GLE1: variants seen among roughly 807,000 people sequenced by gnomAD.
The protein encoded by GLE1 is mRNA export factor GLE1.
A neutral mutation model predicts 97.3 loss-of-function variants in GLE1; 78 were observed. That is an observed-to-expected ratio of 0.80 (90% CI 0.67 to 0.97). The LOEUF (loss-of-function observed/expected upper bound fraction) is 0.97, where lower values mean the gene tolerates loss of function less well. GLE1 is among the 50% of genes least tolerant of loss of function. The probability of loss-of-function intolerance (pLI) is 0.00; values close to 1 mark genes in which losing one functional copy is unlikely to be tolerated. For synonymous variants in GLE1, 302 were observed against 313.4 expected, an observed-to-expected ratio of 0.96 and a Z score of 0.39; for missense variants, 753 against 857.5, an observed-to-expected ratio of 0.88 and a Z score of 1.52.
intron 2 of GLE1, among the ~76,000 whole-genome samples, chr9:128,509,521 T>G (rs563257675): frequency 6.6e-6 from 1 of 152,026 alleles, no homozygotes; most frequent in Non-Finnish European, 1.5e-5. Context: ...GCCTCTGTTT[T>G]TTTGTTATTT....
chr9:128,528,598 C>T (rs572524880), intron 9 of GLE1, among the ~76,000 whole-genome samples: 6 of 152,138 alleles, frequency 3.9e-5, no homozygotes, highest in African/African-American at 7.2e-5. Flanking sequence ...TCACTGCACC[C>T]GGCCTTTTTG....
intron 9 of GLE1, among the ~76,000 whole-genome samples, chr9:128,532,935 T>G (rs1847566161): frequency 6.6e-6 from 1 of 152,172 alleles, no homozygotes; most frequent in Non-Finnish European, 1.5e-5. Flanking sequence ...GTTAGATCCT[T>G]TAGAAGGTTT....
At chr9:128,540,699 A>C in intron 15 of GLE1, 1 of 364,578 alleles carries the variant, frequency 2.7e-6, no homozygotes, top group Non-Finnish European at 5.1e-6. Flanking sequence ...ATCAAACTGC[A>C]CTTTCAGTTG....
Position 128,539,696 on chromosome 9 carries a change from C to G in GLE1, c.1962C>G (p.Pro654=), listed in dbSNP as rs771727359. ...MLILIKEDYF[P]RIEAITSSGQ... ...TTCTCATCAAAGAGGACTACTTTCC[C>G]AGGTATCAGGCTTGTTGAGCAGACA... The change falls in exon 14 of 16, where the codon CCC becomes CCG. Residue 654 remains proline, a splice_region_variant and synonymous_variant. Coordinates refer to ENST00000309971, the MANE Select transcript of GLE1 (RefSeq NM_001003722.2). The G allele has an allele frequency of 6.2e-7, 1 of 1,613,296 alleles. No individual in the cohort carries two copies. Among genetic ancestry groups the G allele is most frequent in the Non-Finnish European group, 8.5e-7 (1 of 1,179,246 alleles).
intron 3 of GLE1, among the ~76,000 whole-genome samples, chr9:128,520,625 ACT>A (rs1384933888): frequency 1.3e-5 from 2 of 150,888 alleles, no homozygotes; most frequent in African/African-American, 2.4e-5. Context: ...CAGTCTTGAG[ACT>A]CTGCAGTTCG....
chr9:128,508,339 A>C (rs1392726262), intron 1 of GLE1, among the ~76,000 whole-genome samples: 2 of 152,178 alleles, frequency 1.3e-5, no homozygotes, highest in African/African-American at 4.8e-5. Context: ...CCAGGAGGTC[A>C]GGCTACAGTG....
Position 128,536,232 on chromosome 9 carries a change from C to T in GLE1, c.1647-123C>T, listed in dbSNP as rs1847704667. 1.8e-5 allele frequency: 13 copies of T among 708,684 alleles called. No individual in the cohort carries two copies. The East Asian group carries it at 2.2e-4, about 12-fold the overall frequency. 43.9% of individuals were successfully genotyped at this position (708,684 alleles called of 1,614,324 possible). On this transcript the variant is annotated intron_variant, in intron 11 of 15. Coordinates refer to ENST00000309971, the MANE Select transcript of GLE1 (RefSeq NM_001003722.2). ...TATTTTTAGTAGAGATGGGGTTTCA[C>T]CACATTGGCCAGGCTAGTCTTGAAC...
intron 2 of GLE1, among the ~76,000 whole-genome samples, chr9:128,510,442 T>A (rs535922192): frequency 3.3e-5 from 5 of 151,952 alleles, no homozygotes; most frequent in Non-Finnish European, 7.4e-5. Context: ...TTGGCCTGGC[T>A]GTTCTCAAAC....
intron 2 of GLE1, among the ~76,000 whole-genome samples, chr9:128,512,808 C>T (rs1482037542): frequency 1.3e-5 from 2 of 152,010 alleles, no homozygotes; most frequent in African/African-American, 2.4e-5. Flanking sequence ...TACAGGCACG[C>T]GCCACCATGC....
At position 128,515,521 on chromosome 9, in the gene GLE1, T is replaced by A. The variant is rs1275877071; in HGVS notation, c.322-8T>A. 4 of 1,462,654 alleles carry A rather than the reference T, an allele frequency of 2.7e-6. No homozygotes were observed. Among genetic ancestry groups the A allele is most frequent in the Admixed American group, 1.7e-5 (1 of 59,800 alleles). The allele number at this position is 1,462,654 out of a possible 1,614,324, so 90.6% of individuals were successfully genotyped here. On this transcript the variant is annotated splice_polypyrimidine_tract_variant and splice_region_variant and intron_variant, in intron 2 of 15. Coordinates refer to ENST00000309971, the MANE Select transcript of GLE1 (RefSeq NM_001003722.2). ...TTTTAATTATTTTTCCATTTTCTGC[T>A]CATATAGGGCAAAGATGAGTCCCAG...
rs754578389 is a variant in GLE1 at position 128,539,659 on chromosome 9, G to A, written c.1925G>A (p.Trp642Ter). 10 of 1,611,834 alleles carry A rather than the reference G, an allele frequency of 6.2e-6. No individual in the cohort carries two copies. The highest frequency in any genetic ancestry group is 7.6e-6 in the Non-Finnish European group (9 of 1,177,966). ...ATGAAGCAATACCAGGTTCAGTTCT[G>A]GAAGATGCTAATTCTCATCAAAGAG... ...ALMKQYQVQF[W>*]KMLILIKEDY... Residue 642 changes from tryptophan to a stop codon, truncating the protein, a stop_gained, in exon 14 of 16, where the codon TGG (tryptophan) becomes TAG (stop). Transcript: ENST00000309971. LOFTEE classifies it high-confidence loss of function.
At chr9:128,525,089 T>C in intron 6 of GLE1, 103 bp from the exon 7 acceptor site, 2 of 817,778 alleles carry the variant, frequency 2.4e-6, no homozygotes, top group Non-Finnish European at 4.2e-6. Context: ...ATGTGGATAC[T>C]CCATTGGTGC....
Position 128,523,850 on chromosome 9 carries a change from A to AGG in GLE1, c.897+9_897+10dup, listed in dbSNP as rs1554723398. On this transcript the variant is annotated splice_donor_region_variant and intron_variant, in intron 6 of 15. Transcript: ENST00000309971. ...GATCATCCGGGCCTCTTCAGAGGTG[A>AGG]GGGGGGCTTCAGAGTGACTCTTTGC... is the stretch of plus-strand genomic sequence containing the variant. The AGG allele has an allele frequency of 6.2e-7, 1 of 1,613,678 alleles. No individual in the cohort carries two copies. The highest frequency in any genetic ancestry group is 1.3e-5 in the African/African-American group (1 of 74,892).
In GLE1 at chr9:128,537,960, T is replaced by G. The variant is rs1256246957; in HGVS notation, c.1777-26T>G. On this transcript the variant is annotated intron_variant, in intron 12 of 15. Transcript: ENST00000309971. The stretch of plus-strand genomic sequence containing the variant: ...AGATTTCTAAACAAAATGAGATCAA[T>G]GATAACCAAGCTTCTCTACTCCCAG... 5 of 1,321,938 alleles carry G rather than the reference T, an allele frequency of 3.8e-6. No individual in the cohort carries two copies. The South Asian group carries it at 5.9e-5, about 16-fold the overall frequency. The allele number at this position is 1,321,938 out of a possible 1,614,324, so 81.9% of individuals were successfully genotyped here.
chr9:128,513,174 C>T (rs543666901), intron 2 of GLE1, among the ~76,000 whole-genome samples: 176 of 152,066 alleles, frequency 1.2e-3, no homozygotes, highest in African/African-American at 4.0e-3. Context: ...CTAGGAACAT[C>T]TACATTCTGC....
Position 128,533,618 on chromosome 9 carries a change from T to C in GLE1, c.1418T>C (p.Leu473Pro), listed in dbSNP as rs1168979113. Residue 473 changes from leucine (L) to proline (P), a missense_variant, in exon 10 of 16, where the codon CTG becomes CCG. By Grantham distance (98) the Leu-to-Pro change is moderately conservative. Transcript: ENST00000309971. ...SVSVTLNPQG[L>P]DFVQYKLAEK... ...TCTGTCACACTTAACCCACAGGGGC[T>C]GGACTTTGTTCAATACAAACTGGCA... is the stretch of plus-strand genomic sequence containing the variant. 1 of 1,614,184 alleles carries C rather than the reference T, an allele frequency of 6.2e-7. No individual in the cohort carries two copies. The highest frequency in any genetic ancestry group is 8.5e-7 in the Non-Finnish European group (1 of 1,180,024).
At chr9:128,527,603 G>C in intron 9 of GLE1, 78 bp downstream of exon 9, 2 of 889,024 alleles carry the variant, frequency 2.2e-6, no homozygotes, top group Admixed American at 3.5e-5. Flanking sequence ...GTATCTGTAA[G>C]GTTCCTATAA....
In GLE1 at chr9:128,504,919, C is replaced by T; in HGVS notation, c.99+15C>T. On this transcript the variant is annotated intron_variant, in intron 1 of 15. Transcript: ENST00000309971. Reference sequence around the variant, plus strand: ...TGCGGCGCGAGGTGAGCGGTGGCCCCGGAGGACGTAGGCCTTTCCGGCCCC... The same window carrying T: ...TGCGGCGCGAGGTGAGCGGTGGCCCTGGAGGACGTAGGCCTTTCCGGCCCC... The T allele has an allele frequency of 6.4e-7, 1 of 1,566,492 alleles. No individual in the cohort carries two copies. Among genetic ancestry groups the T allele is most frequent in the Non-Finnish European group, 8.8e-7 (1 of 1,136,890 alleles).
At chr9:128,524,684 C>T (rs983282230) in intron 6 of GLE1, among the ~76,000 whole-genome samples, 3 of 149,070 alleles carry the variant, frequency 2.0e-5, no homozygotes, top group African/African-American at 2.5e-5. Flanking sequence ...GCTAGGAGTT[C>T]GAGACCAGTA....
Sources: allele counts gnomAD v4.1 joint callset (sites outside exome capture counted in the v4.1 genomes callset), GRCh38; gene constraint gnomAD v4.1.1; transcripts MANE v1.5; gene names NCBI Gene and HGNC (gene_info 2026-07-23, HGNC 2026-07-21).